Variants in RBPMS observed in about 807,000 individuals in gnomAD.
The protein encoded by RBPMS is RNA-binding protein with multiple splicing.
In RBPMS, 7 loss-of-function variants were observed where a neutral mutation model predicts 26.8. That is an observed-to-expected ratio of 0.26 (90% CI 0.15 to 0.49). RBPMS has a LOEUF of 0.49. Ranked by LOEUF, RBPMS falls within the 20% of genes least tolerant of loss-of-function variation. RBPMS has a pLI of 0.98. For synonymous variants in RBPMS, 96 were observed against 93.3 expected, an observed-to-expected ratio of 1.03 and a Z score of -0.17; for missense variants, 186 against 250.0, an observed-to-expected ratio of 0.74 and a Z score of 1.73.
At chr8:30,532,575 T>C (rs1188398708) in intron 5 of RBPMS, among the ~76,000 whole-genome samples, 1 of 152,204 alleles carries the variant, frequency 6.6e-6, no homozygotes, top group Non-Finnish European at 1.5e-5. Context: ...CATTTACAAC[T>C]AAAGGACTTA....
At chr8:30,563,791 A>G (rs1827688806) in intron 7 of RBPMS, among the ~76,000 whole-genome samples, 1 of 152,132 alleles carries the variant, frequency 6.6e-6, no homozygotes, top group South Asian at 2.1e-4. Flanking sequence ...GGGGCTCCAG[A>G]GGCCCAGACA....
intron 1 of RBPMS, among the ~76,000 whole-genome samples, chr8:30,449,998 G>A (rs973697420): frequency 2.0e-5 from 3 of 152,194 alleles, no homozygotes; most frequent in Non-Finnish European, 4.4e-5. Flanking sequence ...AGGGCTCCAA[G>A]CCTTTTTAAA....
chr8:30,502,534 T>C (rs763689550), intron 4 of RBPMS, among the ~76,000 whole-genome samples: 1 of 152,282 alleles, frequency 6.6e-6, no homozygotes, highest in South Asian at 2.1e-4. Context: ...TGGTCAAGTT[T>C]AGTGCCGGGG....
At chr8:30,530,068 T>A (rs1031861473) in intron 5 of RBPMS, among the ~76,000 whole-genome samples, 3 of 152,174 alleles carry the variant, frequency 2.0e-5, no homozygotes, top group Admixed American at 2.0e-4. Flanking sequence ...ACTTCATCCC[T>A]TTTTGTGGCT....
chr8:30,545,040 A>G, intron 6 of RBPMS: 1 of 1,410,064 alleles, frequency 7.1e-7, no homozygotes, highest in Non-Finnish European at 9.2e-7. Flanking sequence ...GTGTGTTGAG[A>G]GTTTTCCACT....
chr8:30,526,381 G>GTTA (rs144581677), intron 5 of RBPMS, among the ~76,000 whole-genome samples: 6,903 of 152,216 alleles, frequency 0.045, 215 homozygotes, highest in East Asian at 0.12. Flanking sequence ...CCAAATGTAG[G>GTTA]TTAATTGCTC....
At chr8:30,409,911 G>C (rs547856723) in intron 1 of RBPMS, among the ~76,000 whole-genome samples, 2 of 152,150 alleles carry the variant, frequency 1.3e-5, no homozygotes, top group East Asian at 3.9e-4. Context: ...GATTATAGGC[G>C]TGAGCCACCG....
chr8:30,482,189 C>T (rs1266668044), intron 4 of RBPMS, among the ~76,000 whole-genome samples: 11 of 152,176 alleles, frequency 7.2e-5, no homozygotes, highest in Non-Finnish European at 1.3e-4. Flanking sequence ...TTAGGGTCAT[C>T]TTTTCTAATT....
chr8:30,549,500 C>T (rs747515690), intron 6 of RBPMS: 1 of 1,611,006 alleles, frequency 6.2e-7, no homozygotes, highest in Non-Finnish European at 8.5e-7. Flanking sequence ...CAACCTGCAG[C>T]TCTGTGAAGG....
chr8:30,506,203 G>A (rs1205605388), intron 5 of RBPMS, among the ~76,000 whole-genome samples: 1 of 152,014 alleles, frequency 6.6e-6, no homozygotes, highest in African/African-American at 2.4e-5. Context: ...TAGAAACTGA[G>A]CTTAGAACTC....
intron 5 of RBPMS, among the ~76,000 whole-genome samples, chr8:30,539,221 A>T (rs1350518137): frequency 6.6e-6 from 1 of 152,178 alleles, no homozygotes; most frequent in Non-Finnish European, 1.5e-5. Context: ...TTCTTCATCT[A>T]CGAGGCAAGC....
intron 6 of RBPMS, chr8:30,545,470 G>A (rs749815406): frequency 4.1e-4 from 407 of 990,652 alleles, no homozygotes; most frequent in Middle Eastern, 1.5e-3. Context: ...TAGAAAGTAC[G>A]TACGTAGGTT....
chr8:30,493,952 C>CAACACACAT, intron 4 of RBPMS, among the ~76,000 whole-genome samples: 1 of 152,150 alleles, frequency 6.6e-6, no homozygotes, highest in Non-Finnish European at 1.5e-5. Flanking sequence ...GGTTGGCTAA[C>CAACACACAT]ACAAAAAGTA....
chr8:30,561,372 C>G (rs539053684), intron 7 of RBPMS, among the ~76,000 whole-genome samples: 5 of 152,214 alleles, frequency 3.3e-5, no homozygotes, highest in Non-Finnish European at 7.3e-5. Flanking sequence ...TGCCTTACAA[C>G]TCCAGATGGC....
intron 1 of RBPMS, among the ~76,000 whole-genome samples, chr8:30,467,140 A>T (rs1424308660): frequency 1.3e-5 from 2 of 152,192 alleles, no homozygotes; most frequent in East Asian, 3.8e-4. Context: ...TAAATGCTTG[A>T]CAGGCCATAT....
At chr8:30,513,504 G>T (rs1372359100) in intron 5 of RBPMS, among the ~76,000 whole-genome samples, 1 of 148,018 alleles carries the variant, frequency 6.8e-6, no homozygotes, top group African/African-American at 2.5e-5. Context: ...CAGGAGAATG[G>T]TGTAAACCCA....
intron 5 of RBPMS, among the ~76,000 whole-genome samples, chr8:30,532,601 G>T (rs905320102): frequency 6.6e-6 from 1 of 152,144 alleles, no homozygotes; most frequent in Non-Finnish European, 1.5e-5. Flanking sequence ...GAGAAACACC[G>T]GTTTGACTTT....
chr8:30,434,705 A>G (rs992433484), intron 1 of RBPMS, among the ~76,000 whole-genome samples: 3 of 102,580 alleles, frequency 2.9e-5, no homozygotes, highest in Non-Finnish European at 5.0e-5. Flanking sequence ...CTCTGCCTCG[A>G]AAAAAAAAAA....
At chr8:30,531,945 A>G (rs1417202375) in intron 5 of RBPMS, among the ~76,000 whole-genome samples, 2 of 152,124 alleles carry the variant, frequency 1.3e-5, no homozygotes, top group Non-Finnish European at 2.9e-5. Flanking sequence ...AGAGTCTCCC[A>G]AGGTACTTAG....
Sources: allele counts gnomAD v4.1 joint callset (sites outside exome capture counted in the v4.1 genomes callset), GRCh38; gene constraint gnomAD v4.1.1; transcripts MANE v1.5; gene names NCBI Gene and HGNC (gene_info 2026-07-23, HGNC 2026-07-21).